Variants in RIMS1 observed in about 807,000 individuals in gnomAD.
The protein encoded by RIMS1 is regulating synaptic membrane exocytosis protein 1.
In RIMS1, 83 loss-of-function variants were observed where a neutral mutation model predicts 214.1. The observed-to-expected ratio is 0.39, with a 90% confidence interval of 0.32 to 0.47. The LOEUF is 0.47. Among genes scored for constraint, RIMS1 ranks in the 20% least tolerant of loss-of-function variants. The pLI, the probability that RIMS1 is intolerant of heterozygous loss-of-function variation, is 0.99. For missense variants in RIMS1, 2,050 were observed against 2,161.8 expected, an observed-to-expected ratio of 0.95 and a Z score of 1.03; for synonymous variants, 793 against 786.8, an observed-to-expected ratio of 1.01 and a Z score of -0.13.
chr6:72,143,336 A>T (rs2042306487), intron 4 of RIMS1, among the ~76,000 whole-genome samples: 1 of 152,188 alleles, frequency 6.6e-6, no homozygotes, highest in Admixed American at 6.5e-5. Context: ...TCAAAATAGG[A>T]TATTGTTTAA....
intron 26 of RIMS1, among the ~76,000 whole-genome samples, chr6:72,303,967 A>G (rs1337753881): frequency 2.0e-5 from 3 of 151,620 alleles, no homozygotes; most frequent in African/African-American, 7.2e-5. Context: ...TCTATAGTAA[A>G]TATCTTTATC....
At chr6:72,278,573 G>A (rs1316044528) in intron 23 of RIMS1, among the ~76,000 whole-genome samples, 1 of 151,990 alleles carries the variant, frequency 6.6e-6, no homozygotes, top group Non-Finnish European at 1.5e-5. Flanking sequence ...AGTTAGTGTA[G>A]AACCACTTAT....
chr6:72,048,561 G>A (rs1369449216), intron 2 of RIMS1, among the ~76,000 whole-genome samples: 1 of 152,130 alleles, frequency 6.6e-6, no homozygotes, highest in Non-Finnish European at 1.5e-5. Flanking sequence ...AAAAGTTTGA[G>A]AAAAGACAAA....
At chr6:72,247,535 CAAAAAAAAAA>C (rs10717559) in intron 11 of RIMS1, among the ~76,000 whole-genome samples, 2 of 104,026 alleles carry the variant, frequency 1.9e-5, no homozygotes, top group African/African-American at 7.7e-5. Context: ...AACTCTGTCT[CAAAAAAAAAA>C]AAAAAAAAAA....
chr6:72,173,300 T>C (rs1045134195), intron 4 of RIMS1, among the ~76,000 whole-genome samples: 5 of 152,146 alleles, frequency 3.3e-5, no homozygotes, highest in Non-Finnish European at 7.4e-5. Context: ...AATTTCATAA[T>C]GATTTTTATC....
intron 6 of RIMS1, chr6:72,216,980 T>C (rs1027219519): frequency 1.6e-5 from 22 of 1,389,084 alleles, no homozygotes; most frequent in Middle Eastern, 2.6e-4. Context: ...GCAGCACTTA[T>C]GGCCTTGTTT....
intron 23 of RIMS1, among the ~76,000 whole-genome samples, chr6:72,275,139 T>C (rs1455294636): frequency 2.5e-4 from 1 of 3,976 alleles, no homozygotes; most frequent in African/African-American, 1.1e-3. Context: ...TATATATATA[T>C]ATATATATAT....
intron 32 of RIMS1, 94 bp from the exon 33 acceptor site, chr6:72,398,861 A>C (rs1289737758): frequency 2.7e-6 from 2 of 730,112 alleles, no homozygotes; most frequent in East Asian, 5.6e-5. Context: ...AACTTTCAGT[A>C]AGCATCTCTA....
intron 1 of RIMS1, among the ~76,000 whole-genome samples, chr6:71,949,616 C>A (rs1385434965): frequency 6.6e-6 from 1 of 152,140 alleles, no homozygotes; most frequent in Non-Finnish European, 1.5e-5. Context: ...GCTAGCCATG[C>A]TGATAATCTC....
intron 22 of RIMS1, among the ~76,000 whole-genome samples, chr6:72,271,095 G>A (rs1024651071): frequency 2.3e-4 from 35 of 151,582 alleles, no homozygotes; most frequent in African/African-American, 8.2e-4. Context: ...GTGAAACCCC[G>A]TCTCTATGAA....
intron 2 of RIMS1, among the ~76,000 whole-genome samples, chr6:72,082,659 A>G (rs1322625392): frequency 3.3e-5 from 5 of 152,116 alleles, no homozygotes; most frequent in Admixed American, 2.0e-4. Context: ...CAAGTAATAT[A>G]CTTTCCTTCT....
At chr6:72,121,684 A>G (rs533495840) in intron 4 of RIMS1, among the ~76,000 whole-genome samples, 4 of 151,996 alleles carry the variant, frequency 2.6e-5, no homozygotes, top group Non-Finnish European at 5.9e-5. Context: ...AACTTCCAAC[A>G]CTATGTTGAA....
At chr6:72,003,104 G>A (rs983414607) in intron 2 of RIMS1, among the ~76,000 whole-genome samples, 1 of 152,198 alleles carries the variant, frequency 6.6e-6, no homozygotes, top group Non-Finnish European at 1.5e-5. Flanking sequence ...AGTAGGGGAA[G>A]AGATGAGGGA....
intron 2 of RIMS1, among the ~76,000 whole-genome samples, chr6:72,042,669 G>T (rs1168446032): frequency 6.6e-6 from 1 of 151,764 alleles, no homozygotes; most frequent in Non-Finnish European, 1.5e-5. Flanking sequence ...TCTTTTCTAA[G>T]TTTTTCCTCT....
chr6:72,040,503 A>G (rs1296960671), intron 2 of RIMS1, among the ~76,000 whole-genome samples: 1 of 151,982 alleles, frequency 6.6e-6, no homozygotes, highest in Non-Finnish European at 1.5e-5. Context: ...AAGTTAGACA[A>G]TTTCTTGAAC....
At chr6:71,974,083 A>T (rs1247036431) in intron 2 of RIMS1, among the ~76,000 whole-genome samples, 1 of 152,130 alleles carries the variant, frequency 6.6e-6, no homozygotes, top group Admixed American at 6.5e-5. Flanking sequence ...TTTCACCAGG[A>T]GGCAGTTGTA....
intron 4 of RIMS1, among the ~76,000 whole-genome samples, chr6:72,124,901 G>T (rs2039186126): frequency 1.3e-5 from 2 of 152,002 alleles, no homozygotes; most frequent in African/African-American, 4.8e-5. Context: ...AAGGTTTTTA[G>T]CTTCCTTGCG....
intron 4 of RIMS1, among the ~76,000 whole-genome samples, chr6:72,107,817 T>C (rs2035071489): frequency 6.6e-6 from 1 of 152,184 alleles, no homozygotes. Flanking sequence ...TATATGTGTA[T>C]TAAATATTAA....
intron 2 of RIMS1, among the ~76,000 whole-genome samples, chr6:71,974,881 C>T (rs905044784): frequency 6.6e-6 from 1 of 152,018 alleles, no homozygotes; most frequent in African/African-American, 2.4e-5. Flanking sequence ...TAAGCAATTA[C>T]CTTATAACAT....
Sources: gnomAD v4.1 joint callset for allele counts (sites outside exome capture counted in the v4.1 genomes callset) on GRCh38, gnomAD v4.1.1 for gene constraint, MANE v1.5 for transcripts, NCBI Gene and HGNC (gene_info 2026-07-23, HGNC 2026-07-21) for gene names.